Variants in ARHGEF37 observed in about 807,000 individuals in gnomAD.
The protein encoded by ARHGEF37 is Rho guanine nucleotide exchange factor 37, also known as Rho guanine nucleotide exchange factor (GEF) 37.
A neutral mutation model predicts 71.1 loss-of-function variants in ARHGEF37; 55 were observed. The ratio of observed to expected loss-of-function variants is 0.77; its 90% CI spans 0.62 to 0.97. ARHGEF37 has a LOEUF of 0.97. ARHGEF37 is among the 50% of genes least tolerant of loss of function. The pLI is 0.00. For missense variants in ARHGEF37, 765 were observed against 836.8 expected, an observed-to-expected ratio of 0.91 and a Z score of 1.06; for synonymous variants, 327 against 350.6, an observed-to-expected ratio of 0.93 and a Z score of 0.75.
At chr5:149,591,026 G>T (rs551664895) in intron 1 of ARHGEF37, among the ~76,000 whole-genome samples, 1 of 152,224 alleles carries the variant, frequency 6.6e-6, no homozygotes, top group East Asian at 1.9e-4. Flanking sequence ...TAACCACTGG[G>T]GAAACATGAG....
rs1218914823 is a variant in ARHGEF37, at chr5:149,586,710, A to AAACAAAAC, written c.-12+5088_-12+5095dup. On this transcript the variant is annotated intron_variant, in intron 1 of 12. Transcript: ENST00000333677. ...CACAAATTAGTAGATATCTTTAATA[A>AAACAAAAC]AACAAAACAGAGCCCAGAGGTGGAC... 4.6e-5 allele frequency among the ~76,000 whole-genome samples: 7 copies of AAACAAAAC among 152,362 alleles called. No homozygotes were observed. In the East Asian group the frequency reaches 1.2e-3, roughly 25 times the overall value.
chr5:149,599,695 T>C (rs1054380799), intron 2 of ARHGEF37, among the ~76,000 whole-genome samples: 1 of 152,144 alleles, frequency 6.6e-6, no homozygotes, highest in African/African-American at 2.4e-5. Context: ...CTTTTTTGGG[T>C]TTCAGAAATA....
intron 1 of ARHGEF37, among the ~76,000 whole-genome samples, chr5:149,589,086 G>A (rs1266702755): frequency 6.6e-6 from 1 of 151,938 alleles, no homozygotes; most frequent in Non-Finnish European, 1.5e-5. Context: ...AAAATTAGCT[G>A]GGTATGGTGG....
rs71587782 is a variant in ARHGEF37, at chr5:149,598,263, C to CTCCTCTTCTTCT, written c.186+310_186+311insCTCTTCTTCTTC. 4.2e-3 allele frequency among the ~76,000 whole-genome samples: 282 copies of CTCCTCTTCTTCT among 67,736 alleles called. 3 individuals are homozygous for CTCCTCTTCTTCT. Among genetic ancestry groups the CTCCTCTTCTTCT allele is most frequent in the Admixed American group, 7.4e-3 (41 of 5,534 alleles). The allele number at this position is 67,736 out of a possible 152,430, so 44.4% of individuals were successfully genotyped here. A position where few individuals can be genotyped will look rare whatever the true frequency, so the allele number is the denominator to read the frequency against. On this transcript the variant is annotated intron_variant, in intron 2 of 12. Coordinates refer to ENST00000333677, the MANE Select transcript of ARHGEF37 (RefSeq NM_001001669.3). ...GTTTGGAACAGATTGCTTAAACTGA[C>CTCCTCTTCTTCT]TCTTCTTCTTCTTCTTCTTCTTCTT...
At chr5:149,629,013 G>C (rs766128139) in intron 12 of ARHGEF37, 47 bp downstream of exon 12, 2 of 1,575,282 alleles carry the variant, frequency 1.3e-6, no homozygotes, top group Non-Finnish European at 1.7e-6. Context: ...CGGCCATCCG[G>C]ACTGTGGCTT....
chr5:149,628,630 G>A (rs1752773731), intron 11 of ARHGEF37, among the ~76,000 whole-genome samples, 179 bp from the exon 12 acceptor site: 1 of 152,334 alleles, frequency 6.6e-6, no homozygotes, highest in South Asian at 2.1e-4. Flanking sequence ...TGGGGTGTGT[G>A]AGCAGAAGCC....
intron 12 of ARHGEF37, among the ~76,000 whole-genome samples, chr5:149,630,188 G>A (rs80040768): frequency 0.08 from 12,183 of 152,212 alleles, 504 homozygotes; most frequent in South Asian, 0.11. Flanking sequence ...TATAGAATGT[G>A]AATTATATCT....
chr5:149,607,759 T>C (rs1763955707), intron 3 of ARHGEF37, among the ~76,000 whole-genome samples: 1 of 59,274 alleles, frequency 1.7e-5, no homozygotes, highest in Non-Finnish European at 5.5e-5. Flanking sequence ...AAACTTCTTT[T>C]TTTTTTTTTT....
intron 1 of ARHGEF37, among the ~76,000 whole-genome samples, chr5:149,597,268 A>T (rs2400887): frequency 0.53 from 79,015 of 149,922 alleles, 21,020 homozygotes; most frequent in East Asian, 0.7. Flanking sequence ...ATTAAAAAAA[A>T]ATTTTTTTTG....
At chr5:149,619,719 A>C (rs955213174) in intron 7 of ARHGEF37, among the ~76,000 whole-genome samples, 1 of 152,162 alleles carries the variant, frequency 6.6e-6, no homozygotes, top group African/African-American at 2.4e-5. Context: ...CATTGATGTA[A>C]ATAGGAAAAG....
In ARHGEF37 at chr5:149,601,100, C is replaced by A; in HGVS notation, c.187-8C>A. ...AACCACCTCTCATGGCTTCTTTGTT[C>A]CTTCCAGTTGCCGCAGGGAGATCTG... On this transcript the variant is annotated splice_region_variant and splice_polypyrimidine_tract_variant and intron_variant, in intron 2 of 12. Coordinates refer to ENST00000333677, the MANE Select transcript of ARHGEF37 (RefSeq NM_001001669.3). The A allele has an allele frequency of 6.2e-7, 1 of 1,608,716 alleles. No homozygotes were observed. Among genetic ancestry groups the A allele is most frequent in the South Asian group, 1.1e-5 (1 of 90,600 alleles).
chr5:149,632,986 T>A lies in ARHGEF37; in HGVS notation c.*795T>A, dbSNP rs1752933063. 6.5e-6 allele frequency: 1 copy of A among 152,754 alleles called. No individual in the cohort carries two copies. Among genetic ancestry groups the A allele is most frequent in the African/African-American group, 2.4e-5 (1 of 41,446 alleles). The allele number at this position is 152,754 out of a possible 1,614,324, so 9.5% of individuals were successfully genotyped here. On this transcript the variant is annotated 3_prime_UTR_variant, in exon 13 of 13. Transcript: ENST00000333677. Reference sequence around the variant, plus strand: ...GGGGTATGCAAATCATAGAGGAAACTCTGGGAAGGCGGTGATAAGGCCTGG... The same window carrying A: ...GGGGTATGCAAATCATAGAGGAAACACTGGGAAGGCGGTGATAAGGCCTGG...
intron 2 of ARHGEF37, among the ~76,000 whole-genome samples, chr5:149,600,431 T>C (rs1206524739): frequency 2.0e-5 from 3 of 152,170 alleles, no homozygotes; most frequent in Non-Finnish European, 4.4e-5. Context: ...GCCTGGTTAA[T>C]AGGGGCCAGA....
intron 1 of ARHGEF37, among the ~76,000 whole-genome samples, chr5:149,552,302 A>G (rs1434776175): frequency 6.6e-6 from 1 of 151,786 alleles, no homozygotes; most frequent in African/African-American, 2.4e-5. Context: ...AGTAGAGGTA[A>G]CTATTACAAA....
chr5:149,558,122 T>C (rs931560132), intron 1 of ARHGEF37, among the ~76,000 whole-genome samples: 1 of 152,190 alleles, frequency 6.6e-6, no homozygotes, highest in South Asian at 2.1e-4. Flanking sequence ...TCCACCTGAC[T>C]TGGCCTCCCA....
chr5:149,628,799 TGC>T lies in ARHGEF37; in HGVS notation c.1661-9_1661-8del. 6.2e-7 allele frequency: 1 copy of T among 1,609,322 alleles called. No homozygotes were observed. Among genetic ancestry groups the T allele is most frequent in the Non-Finnish European group, 8.5e-7 (1 of 1,177,570 alleles). On this transcript the variant is annotated splice_polypyrimidine_tract_variant and splice_region_variant and intron_variant, in intron 11 of 12. Coordinates refer to ENST00000333677, the MANE Select transcript of ARHGEF37 (RefSeq NM_001001669.3). The stretch of plus-strand genomic sequence containing the variant: ...GCCCGCAGCCTGCTAACCTTCTGCA[TGC>T]TCCCTAGGACATCGTGGGTATGTGC...
chr5:149,563,002 G>A (rs1378464647), intron 1 of ARHGEF37, among the ~76,000 whole-genome samples: 1 of 152,052 alleles, frequency 6.6e-6, no homozygotes, highest in Admixed American at 6.6e-5. Context: ...GTTCCATCAG[G>A]GTCTGACTTC....
intron 4 of ARHGEF37, 78 bp downstream of exon 4, chr5:149,609,773 T>C (rs1764026766): frequency 1.9e-6 from 3 of 1,578,726 alleles, no homozygotes; most frequent in East Asian, 4.5e-5. Flanking sequence ...CACCCCTTTT[T>C]CATGCCATTC....
intron 1 of ARHGEF37, among the ~76,000 whole-genome samples, chr5:149,595,958 T>C (rs1763532728): frequency 6.6e-6 from 1 of 151,398 alleles, no homozygotes; most frequent in Admixed American, 6.6e-5. Context: ...TTTTTTTTTT[T>C]TTCCTGATCC....
Sources: allele counts gnomAD v4.1 joint callset (sites outside exome capture counted in the v4.1 genomes callset), GRCh38; gene constraint gnomAD v4.1.1; transcripts MANE v1.5; gene names NCBI Gene and HGNC (gene_info 2026-07-23, HGNC 2026-07-21).